Variants in CCDC80 observed in about 807,000 individuals in gnomAD.
CCDC80 encodes the protein coiled-coil domain-containing protein 80.
CCDC80 carries 49 observed loss-of-function variants against 78.7 expected under a neutral mutation model. That is an observed-to-expected ratio of 0.62 (90% CI 0.50 to 0.79). The LOEUF (loss-of-function observed/expected upper bound fraction) is 0.79, where lower values mean the gene tolerates loss of function less well. Among genes scored for constraint, CCDC80 ranks in the 30% least tolerant of loss-of-function variants. The pLI is 0.00. For missense variants in CCDC80, 1,205 were observed against 1,198.6 expected, an observed-to-expected ratio of 1.01 and a Z score of -0.08; for synonymous variants, 488 against 447.0, an observed-to-expected ratio of 1.09 and a Z score of -1.16.
At chr3:112,633,655 T>A (rs1936145541) in intron 2 of CCDC80, among the ~76,000 whole-genome samples, 1 of 152,122 alleles carries the variant, frequency 6.6e-6, no homozygotes, top group South Asian at 2.1e-4. Context: ...GGCTACGACT[T>A]TACCAGTTGG....
At position 112,623,654 on chromosome 3, in the gene CCDC80, A is replaced by G. The variant is rs938442680; in HGVS notation, c.2036-4550T>C. ...GGTAGTTGTTATACACTCTAAAAACAAAGAGCTACTGTCCCAGAGGAGAAA... is the reference window on the plus strand; with the variant it reads ...GGTAGTTGTTATACACTCTAAAAACGAAGAGCTACTGTCCCAGAGGAGAAA... On this transcript the variant is annotated intron_variant, in intron 3 of 7. Coordinates refer to ENST00000206423, the MANE Select transcript of CCDC80 (RefSeq NM_199511.3). Among the ~76,000 whole-genome samples, 6 of 152,302 alleles carry G rather than the reference A, an allele frequency of 3.9e-5. No homozygotes were observed. In the East Asian group the frequency reaches 1.2e-3, roughly 29 times the overall value.
intron 3 of CCDC80, among the ~76,000 whole-genome samples, chr3:112,626,444 T>C (rs1935975647): frequency 1.1e-5 from 1 of 87,974 alleles, no homozygotes; most frequent in Admixed American, 1.1e-4. Flanking sequence ...TCCTGATGAC[T>C]GAGGTTTCTC....
At chr3:112,606,644 C>T (rs1213038686) in intron 7 of CCDC80, among the ~76,000 whole-genome samples, 1 of 148,626 alleles carries the variant, frequency 6.7e-6, no homozygotes, top group Non-Finnish European at 1.5e-5. Context: ...AGGCTGGTTT[C>T]GAACTCCTGA....
chr3:112,639,640 G>C lies in CCDC80; in HGVS notation c.266C>G (p.Thr89Arg), dbSNP rs1316676991. 1.2e-6 allele frequency: 2 copies of C among 1,614,040 alleles called. No individual in the cohort carries two copies. The highest frequency in any genetic ancestry group is 1.7e-6 in the Non-Finnish European group (2 of 1,180,040). ...GATGTCCGAGCGGGCTGGCGGCTCT[G>C]TTGGGCGAGCTAGTCTCAACACGGG... ...SVPVLRLARP[T>R]EPPARSDING... The change falls in exon 2 of 8, where the codon ACA (threonine) becomes AGA (arginine). Residue 89 changes from threonine to arginine, a missense_variant. Thr to Arg is a moderately conservative substitution (Grantham distance 71). Transcript: ENST00000206423.
In CCDC80 at chr3:112,598,651, C is replaced by T. The variant is rs1333835700; in HGVS notation, c.*6766G>A. 1 of 152,258 alleles carries T rather than the reference C, an allele frequency of 6.6e-6. No individual in the cohort carries two copies. The highest frequency in any genetic ancestry group is 2.4e-5 in the African/African-American group (1 of 41,430). 9.4% of individuals were successfully genotyped at this position (152,258 alleles called of 1,614,324 possible). On this transcript the variant is annotated 3_prime_UTR_variant, in exon 8 of 8. Coordinates refer to ENST00000206423, the MANE Select transcript of CCDC80 (RefSeq NM_199511.3). ...ACATTTAAGCTCTGTGCGGTCTGCT[C>T]AGGGGCTGCCCAGTTTGTCCAAGCT...
chr3:112,610,186 G>C, intron 5 of CCDC80, 105 bp from the exon 6 acceptor site: 1 of 663,996 alleles, frequency 1.5e-6, no homozygotes, highest in Non-Finnish European at 2.4e-6. Flanking sequence ...TCTGTGCCCA[G>C]AAAAAAAAAA....
At chr3:112,612,587 T>C (rs560562187) in intron 5 of CCDC80, among the ~76,000 whole-genome samples, 9 of 152,318 alleles carry the variant, frequency 5.9e-5, no homozygotes, top group Middle Eastern at 3.4e-3. Flanking sequence ...ACAAATTGTT[T>C]TTCTGTCACT....
At position 112,602,499 on chromosome 3, in the gene CCDC80, C is replaced by G. The variant is rs982928455; in HGVS notation, c.*2918G>C. On this transcript the variant is annotated 3_prime_UTR_variant, in exon 8 of 8. Transcript: ENST00000206423. ...ATGCCAAACAACCAAGTTGTAAATGCAAAGGAAAAGTTCTTGAAGGAAATT... is the reference window on the plus strand; with the variant it reads ...ATGCCAAACAACCAAGTTGTAAATGGAAAGGAAAAGTTCTTGAAGGAAATT... 1 of 152,150 alleles carries G rather than the reference C, an allele frequency of 6.6e-6. No homozygotes were observed. The highest frequency in any genetic ancestry group is 6.5e-5 in the Admixed American group (1 of 15,280). The allele number at this position is 152,150 out of a possible 1,614,324, so 9.4% of individuals were successfully genotyped here.
Position 112,605,364 on chromosome 3 carries a change from A to G in CCDC80, c.*53T>C. ...TGGAAGAATGGAGCTGGCCACATGT[A>G]GTTTTAGCAGCTGCAGAGGAAACTG... On this transcript the variant is annotated 3_prime_UTR_variant, in exon 8 of 8. Coordinates refer to ENST00000206423, the MANE Select transcript of CCDC80 (RefSeq NM_199511.3). 1 of 1,243,244 alleles carries G rather than the reference A, an allele frequency of 8.0e-7. No individual in the cohort carries two copies. The highest frequency in any genetic ancestry group is 1.4e-5 in the South Asian group (1 of 73,240). 77.0% of individuals were successfully genotyped at this position (1,243,244 alleles called of 1,614,324 possible). A position where few individuals can be genotyped will look rare whatever the true frequency, so the allele number is the denominator to read the frequency against.
chr3:112,627,892 C>A (rs892235083), intron 3 of CCDC80, among the ~76,000 whole-genome samples: 3 of 150,410 alleles, frequency 2.0e-5, no homozygotes, highest in Non-Finnish European at 1.5e-5. Context: ...AGACCCACAG[C>A]CCCTCTACAG....
At position 112,599,832 on chromosome 3, in the gene CCDC80, C is replaced by G. The variant is rs1315997003; in HGVS notation, c.*5585G>C. 2 of 152,186 alleles carry G rather than the reference C, an allele frequency of 1.3e-5. No homozygotes were observed. The highest frequency in any genetic ancestry group is 2.9e-5 in the Non-Finnish European group (2 of 68,040). The allele number at this position is 152,186 out of a possible 1,614,324, so 9.4% of individuals were successfully genotyped here. A position where few individuals can be genotyped will look rare whatever the true frequency, so the allele number is the denominator to read the frequency against. ...TGCTGAATTAATATTCACCTCAGAG[C>G]CCTGGGAGATGTCTGATGAAAAGTA... On this transcript the variant is annotated 3_prime_UTR_variant, in exon 8 of 8. Coordinates refer to ENST00000206423, the MANE Select transcript of CCDC80 (RefSeq NM_199511.3).
intron 3 of CCDC80, 93 bp downstream of exon 3, chr3:112,630,020 T>A: frequency 8.2e-7 from 1 of 1,214,688 alleles, no homozygotes. Flanking sequence ...ACATCTTCAT[T>A]TTCTTTTGGA....
rs1331569112 is a variant in CCDC80, at chr3:112,605,324, A to G, written c.*93T>C. ...AAACACTGAAAGAAAAAGGCAGGAA[A>G]TGTAGTACGCAGTGTGGAAGAATGG... is the stretch of plus-strand genomic sequence containing the variant. On this transcript the variant is annotated 3_prime_UTR_variant, in exon 8 of 8. Coordinates refer to ENST00000206423, the MANE Select transcript of CCDC80 (RefSeq NM_199511.3). The G allele has an allele frequency of 1.1e-5, 9 of 792,632 alleles. No individual in the cohort carries two copies. In the Admixed American group the frequency reaches 1.9e-4, roughly 17 times the overall value. The allele number at this position is 792,632 out of a possible 1,614,324, so 49.1% of individuals were successfully genotyped here. A position where few individuals can be genotyped will look rare whatever the true frequency, so the allele number is the denominator to read the frequency against.
At position 112,636,546 on chromosome 3, in the gene CCDC80, C is replaced by T. The variant is rs1225114122; in HGVS notation, c.1878+1482G>A. On this transcript the variant is annotated intron_variant, in intron 2 of 7. Coordinates refer to ENST00000206423, the MANE Select transcript of CCDC80 (RefSeq NM_199511.3). ...TATGTCCCACTCATGATAAACATCA[C>T]AAAGAACTTTGCTCTGAGTAATATT... Among the ~76,000 whole-genome samples, 5 of 152,348 alleles carry T rather than the reference C, an allele frequency of 3.3e-5. No individual in the cohort carries two copies. The South Asian group carries it at 1.0e-3, about 32-fold the overall frequency.
chr3:112,628,198 C>A (rs1439292402), intron 3 of CCDC80, among the ~76,000 whole-genome samples: 1 of 152,126 alleles, frequency 6.6e-6, no homozygotes, highest in Admixed American at 6.6e-5. Flanking sequence ...AAGCTCACTG[C>A]CCTCATGCTA....
chr3:112,612,060 T>TA (rs1559875584), intron 5 of CCDC80, among the ~76,000 whole-genome samples: 127 of 144,780 alleles, frequency 8.8e-4, no homozygotes, highest in South Asian at 3.9e-3. Flanking sequence ...TTTTTTTTTT[T>TA]TAAAAAGGGA....
At chr3:112,622,179 G>C (rs1003904321) in intron 3 of CCDC80, among the ~76,000 whole-genome samples, 1 of 152,126 alleles carries the variant, frequency 6.6e-6, no homozygotes, top group African/African-American at 2.4e-5. Context: ...AAGATTAAAG[G>C]CAAACTTTGC....
chr3:112,610,533 A>G (rs931374434), intron 5 of CCDC80, among the ~76,000 whole-genome samples: 1 of 152,204 alleles, frequency 6.6e-6, no homozygotes, highest in Admixed American at 6.5e-5. Context: ...GTAGAAAAAG[A>G]TAACTGTATT....
chr3:112,609,406 G>A (rs568550682), intron 6 of CCDC80, among the ~76,000 whole-genome samples: 4 of 152,092 alleles, frequency 2.6e-5, no homozygotes, highest in South Asian at 4.1e-4. Flanking sequence ...TTTAAAATAA[G>A]GTTTTATTTA....
Sources: gnomAD v4.1 joint callset for allele counts (sites outside exome capture counted in the v4.1 genomes callset) on GRCh38, gnomAD v4.1.1 for gene constraint, MANE v1.5 for transcripts, NCBI Gene and HGNC (gene_info 2026-07-23, HGNC 2026-07-21) for gene names.